Variants in TMTC2 observed in about 807,000 individuals in gnomAD.
The protein encoded by TMTC2 is protein O-mannosyl-transferase TMTC2.
In TMTC2, 43 loss-of-function variants were observed where a neutral mutation model predicts 82.4. That is an observed-to-expected ratio of 0.52 (90% CI 0.41 to 0.67). The LOEUF is 0.67. Among genes scored for constraint, TMTC2 ranks in the 30% least tolerant of loss-of-function variants. The probability of loss-of-function intolerance (pLI) is 0.00; values close to 1 mark genes in which losing one functional copy is unlikely to be tolerated. For synonymous variants in TMTC2, 408 were observed against 381.9 expected, an observed-to-expected ratio of 1.07 and a Z score of -0.80; for missense variants, 919 against 1,012.4, an observed-to-expected ratio of 0.91 and a Z score of 1.25.
At chr12:83,039,025 G>A (rs1881787918) in intron 9 of TMTC2, among the ~76,000 whole-genome samples, 1 of 143,556 alleles carries the variant, frequency 7.0e-6, no homozygotes, top group East Asian at 2.3e-4. Flanking sequence ...TCTGCCCCCC[G>A]GGTTCAAGCG....
chr12:82,975,058 TG>T (rs1193947098), intron 7 of TMTC2, among the ~76,000 whole-genome samples: 1 of 152,028 alleles, frequency 6.6e-6, no homozygotes, highest in African/African-American at 2.4e-5. Context: ...GACAGAGAGG[TG>T]GGAGACAGGA....
intron 9 of TMTC2, among the ~76,000 whole-genome samples, chr12:83,043,352 C>A (rs994766015): frequency 6.6e-6 from 1 of 152,202 alleles, no homozygotes; most frequent in Admixed American, 6.5e-5. Flanking sequence ...CTAGTAGAAA[C>A]ACCCCATAAG....
At chr12:83,087,085 T>A (rs1187989240) in intron 11 of TMTC2, among the ~76,000 whole-genome samples, 2 of 152,378 alleles carry the variant, frequency 1.3e-5, no homozygotes, top group Non-Finnish European at 2.9e-5. Flanking sequence ...CACTGCTTTG[T>A]CAAATAAATT....
intron 1 of TMTC2, among the ~76,000 whole-genome samples, chr12:82,728,186 C>T (rs138490812): frequency 3.4e-4 from 52 of 151,990 alleles, no homozygotes; most frequent in African/African-American, 1.2e-3. Context: ...AGGTAGGGTG[C>T]CTGGTTCTCT....
At chr12:83,037,661 A>G (rs1416164881) in intron 9 of TMTC2, among the ~76,000 whole-genome samples, 1 of 152,130 alleles carries the variant, frequency 6.6e-6, no homozygotes, top group East Asian at 1.9e-4. Context: ...CCCCATTATT[A>G]AAATGTATCT....
At chr12:82,868,286 T>C (rs1262176677) in intron 2 of TMTC2, among the ~76,000 whole-genome samples, 10 of 152,190 alleles carry the variant, frequency 6.6e-5, no homozygotes, top group Admixed American at 6.5e-4. Flanking sequence ...GTTAATGGAA[T>C]GCATGCTGAA....
rs1404088487 is a variant in TMTC2, at chr12:82,687,625, C to T, written c.39C>T (p.Ala13=). ...AELVSSALGL[A]LYLNTLSADF... ...TGGTGAGCAGCGCTCTGGGGCTCGC[C>T]TTGTATCTCAACACCCTGAGTGCGG... is the stretch of plus-strand genomic sequence containing the variant. The change falls in exon 1 of 12, where the codon GCC becomes GCT. Residue 13 remains alanine (A), a synonymous_variant. Coordinates refer to ENST00000321196, the MANE Select transcript of TMTC2 (RefSeq NM_152588.3). 1 of 1,604,698 alleles carries T rather than the reference C, an allele frequency of 6.2e-7. No homozygotes were observed. The highest frequency in any genetic ancestry group is 2.2e-5 in the East Asian group (1 of 44,490).
chr12:82,709,937 T>C (rs988774769), intron 1 of TMTC2, among the ~76,000 whole-genome samples: 1 of 152,218 alleles, frequency 6.6e-6, no homozygotes, highest in African/African-American at 2.4e-5. Flanking sequence ...GCTAGGCCTA[T>C]TGTAATTCCA....
At chr12:82,899,656 T>C (rs1162955075) in intron 3 of TMTC2, among the ~76,000 whole-genome samples, 4 of 140,154 alleles carry the variant, frequency 2.9e-5, no homozygotes, top group African/African-American at 1.1e-4. Context: ...TATAAGAATA[T>C]ATATATAAGA....
chr12:82,800,037 T>G (rs1878918646), intron 1 of TMTC2, among the ~76,000 whole-genome samples: 1 of 152,122 alleles, frequency 6.6e-6, no homozygotes, highest in South Asian at 2.1e-4. Flanking sequence ...TTTGTAGGTA[T>G]GAAGCAGAGA....
At chr12:82,740,641 A>AT (rs1289840875) in intron 1 of TMTC2, among the ~76,000 whole-genome samples, 1 of 152,090 alleles carries the variant, frequency 6.6e-6, no homozygotes, top group Non-Finnish European at 1.5e-5. Context: ...CGCCTGAAGT[A>AT]TTTTGCCTTT....
chr12:82,884,225 G>T (rs1298340131), intron 2 of TMTC2, among the ~76,000 whole-genome samples: 1 of 152,148 alleles, frequency 6.6e-6, no homozygotes, highest in Non-Finnish European at 1.5e-5. Flanking sequence ...AGTTTAATGA[G>T]GAAGAATGGG....
chr12:82,902,745 A>T (rs1874086546), intron 3 of TMTC2, among the ~76,000 whole-genome samples: 1 of 152,058 alleles, frequency 6.6e-6, no homozygotes, highest in Non-Finnish European at 1.5e-5. Flanking sequence ...GGGTTCAAAA[A>T]CTATTTATTG....
intron 1 of TMTC2, among the ~76,000 whole-genome samples, chr12:82,761,539 A>T (rs184659633): frequency 6.6e-6 from 1 of 152,308 alleles, no homozygotes; most frequent in East Asian, 1.9e-4. Flanking sequence ...TGGCCTTACC[A>T]TCTATAGGGG....
chr12:83,003,880 C>T (rs577425339), intron 8 of TMTC2, among the ~76,000 whole-genome samples: 1 of 152,128 alleles, frequency 6.6e-6, no homozygotes, highest in East Asian at 1.9e-4. Context: ...CAGGAATTCT[C>T]TGATTTTCTT....
intron 1 of TMTC2, among the ~76,000 whole-genome samples, chr12:82,732,039 A>G (rs1193015619): frequency 6.6e-6 from 1 of 152,214 alleles, no homozygotes; most frequent in African/African-American, 2.4e-5. Context: ...AGTGATGGGA[A>G]TTTATTTGTT....
chr12:82,748,551 C>G (rs903279759), intron 1 of TMTC2, among the ~76,000 whole-genome samples: 1 of 151,990 alleles, frequency 6.6e-6, no homozygotes, highest in African/African-American at 2.4e-5. Context: ...ATAAGAGGTA[C>G]TCCCTAAGCA....
At chr12:82,899,524 AAT>A in intron 3 of TMTC2, among the ~76,000 whole-genome samples, 1 of 146,136 alleles carries the variant, frequency 6.8e-6, no homozygotes, top group African/African-American at 2.5e-5. Flanking sequence ...TATATATAGG[AAT>A]ATATATATGT....
chr12:82,997,608 G>T, intron 8 of TMTC2, among the ~76,000 whole-genome samples: 1 of 150,578 alleles, frequency 6.6e-6, no homozygotes, highest in Non-Finnish European at 1.5e-5. Flanking sequence ...ATAAAAAGAA[G>T]AATTTCAAAT....
Sources: allele counts gnomAD v4.1 joint callset (sites outside exome capture counted in the v4.1 genomes callset), GRCh38; gene constraint gnomAD v4.1.1; transcripts MANE v1.5; gene names NCBI Gene and HGNC (gene_info 2026-07-23, HGNC 2026-07-21).